The following HLF variants were observed in gnomAD, a reference collection of about 807,000 sequenced individuals.
HLF encodes HLF transcription factor, PAR bZIP family member.
HLF carries 3 observed loss-of-function variants against 22.6 expected under a neutral mutation model. That is an observed-to-expected ratio of 0.13 (90% CI 0.06 to 0.34). The LOEUF (loss-of-function observed/expected upper bound fraction) is 0.34. Among genes scored for constraint, HLF ranks in the 10% least tolerant of loss-of-function variants. The pLI is 1.00. For synonymous variants in HLF, 151 were observed against 151.8 expected, an observed-to-expected ratio of 0.99 and a Z score of 0.04; for missense variants, 299 against 389.2, an observed-to-expected ratio of 0.77 and a Z score of 1.95.
intron 3 of HLF, among the ~76,000 whole-genome samples, chr17:55,318,096 G>T (rs545973574): frequency 6.6e-6 from 1 of 151,116 alleles, no homozygotes; most frequent in South Asian, 2.1e-4. Flanking sequence ...TGTTGGGTGG[G>T]GCGGGGCTAA....
At chr17:55,275,609 A>G (rs995578225) in intron 2 of HLF, among the ~76,000 whole-genome samples, 4 of 152,220 alleles carry the variant, frequency 2.6e-5, no homozygotes, top group African/African-American at 9.6e-5. Flanking sequence ...ACTTTACATA[A>G]GCATTCCAGA....
Position 55,301,576 on chromosome 17 carries a change from G to A in HLF, c.452-13651G>A, listed in dbSNP as rs555349140. On this transcript the variant is annotated intron_variant, in intron 2 of 3. Transcript: ENST00000226067. ...AATTAGACCTTGATATGGATGTTAG[G>A]ACAAATAGAAGTGGCGAAGACGCAA... Among the ~76,000 whole-genome samples, 106 of 152,352 alleles carry A rather than the reference G, an allele frequency of 7.0e-4. 1 individual carries two copies. Among genetic ancestry groups the A allele is most frequent in the South Asian group, 2.7e-3 (13 of 4,832 alleles).
At chr17:55,291,936 A>T (rs1204341502) in intron 2 of HLF, among the ~76,000 whole-genome samples, 3 of 152,240 alleles carry the variant, frequency 2.0e-5, no homozygotes, top group African/African-American at 7.2e-5. Flanking sequence ...ATAACTTTAG[A>T]TGTGGCGGAA....
rs142298590 is a variant in HLF at position 55,295,642 on chromosome 17, A to G, written c.452-19585A>G. 1.1e-3 allele frequency among the ~76,000 whole-genome samples: 165 copies of G among 152,350 alleles called. 1 individual carries two copies. Among genetic ancestry groups the G allele is most frequent in the Middle Eastern group, 6.8e-3 (2 of 294 alleles). On this transcript the variant is annotated intron_variant, in intron 2 of 3. Coordinates refer to ENST00000226067, the MANE Select transcript of HLF (RefSeq NM_002126.5). The stretch of plus-strand genomic sequence containing the variant: ...GTGGCAACACACCCACTTCCAGAAC[A>G]TTAGTGTTAGTGGGAGGGCAGGCAA...
intron 2 of HLF, among the ~76,000 whole-genome samples, chr17:55,290,905 G>A (rs1010623596): frequency 6.6e-5 from 10 of 152,162 alleles, no homozygotes; most frequent in South Asian, 2.1e-4. Flanking sequence ...TGAAACAGCC[G>A]TATTGCTGAT....
chr17:55,282,849 T>A (rs1453233067), intron 2 of HLF, among the ~76,000 whole-genome samples: 1 of 152,174 alleles, frequency 6.6e-6, no homozygotes, highest in Non-Finnish European at 1.5e-5. Context: ...GAATCTGACA[T>A]TCTTCCACTC....
Position 55,320,576 on chromosome 17 carries a change from C to A in HLF, c.673-88C>A. 1 of 1,213,002 alleles carries A rather than the reference C, an allele frequency of 8.2e-7. No homozygotes were observed. The highest frequency in any genetic ancestry group is 1.2e-6 in the Non-Finnish European group (1 of 851,432). The allele number at this position is 1,213,002 out of a possible 1,614,324, so 75.1% of individuals were successfully genotyped here. ...ACCCGGGCTGGCACCTCTGCACAAT[C>A]CTGGAGCCTGCCCGTGCCCTGGCTG... On this transcript the variant is annotated intron_variant, in intron 3 of 3. Transcript: ENST00000226067. This position sits in a 1 kb window ranked among gnomAD's most constrained non-coding sequence, Gnocchi z 4.2.
At chr17:55,286,478 C>T (rs1391576844) in intron 2 of HLF, among the ~76,000 whole-genome samples, 1 of 152,120 alleles carries the variant, frequency 6.6e-6, no homozygotes, top group African/African-American at 2.4e-5. Flanking sequence ...TCTCGCTTCC[C>T]TCAGCTCCTC....
chr17:55,313,138 A>G (rs1904911032), intron 2 of HLF, among the ~76,000 whole-genome samples: 1 of 152,184 alleles, frequency 6.6e-6, no homozygotes, highest in Non-Finnish European at 1.5e-5. Context: ...AAAAACCTAG[A>G]GAGAAAGAAT....
In HLF at chr17:55,320,775, A is replaced by G; in HGVS notation, c.784A>G (p.Lys262Glu). The G allele has an allele frequency of 6.2e-7, 1 of 1,613,926 alleles. No individual in the cohort carries two copies. The highest frequency in any genetic ancestry group is 1.1e-5 in the South Asian group (1 of 91,032). ...QIAIRASFLE[K>E]ENSALRQEVA... ...CGCCATCCGGGCCTCGTTCCTGGAGAAGGAGAACTCGGCCCTCCGCCAGGA... is the reference window on the plus strand; with the variant it reads ...CGCCATCCGGGCCTCGTTCCTGGAGGAGGAGAACTCGGCCCTCCGCCAGGA... Residue 262 changes from lysine (K) to glutamate (E), a missense_variant, in exon 4 of 4, where the codon AAG (lysine) becomes GAG (glutamate). By Grantham distance (56) the Lys-to-Glu change is moderately conservative (BLOSUM62 1). Coordinates refer to ENST00000226067, the MANE Select transcript of HLF (RefSeq NM_002126.5). This position sits in a 1 kb window ranked among gnomAD's most constrained non-coding sequence, Gnocchi z 4.2.
intron 2 of HLF, among the ~76,000 whole-genome samples, chr17:55,274,879 C>T (rs373001072): frequency 2.6e-5 from 4 of 152,306 alleles, no homozygotes; most frequent in South Asian, 4.1e-4. Flanking sequence ...GAGGACCAAG[C>T]GTGGGGCTCA....
chr17:55,308,367 T>C (rs1008879892), intron 2 of HLF, among the ~76,000 whole-genome samples: 1 of 152,216 alleles, frequency 6.6e-6, no homozygotes, highest in Non-Finnish European at 1.5e-5. Context: ...TTGCACACTT[T>C]CCGGGTACTA....
intron 2 of HLF, among the ~76,000 whole-genome samples, chr17:55,273,945 G>C (rs1054407221): frequency 1.5e-4 from 23 of 152,138 alleles, no homozygotes; most frequent in Admixed American, 3.3e-4. Context: ...TCTCCTGCCT[G>C]TCTGCCCAGA....
At chr17:55,269,716 T>C (rs371296768) in intron 2 of HLF, among the ~76,000 whole-genome samples, 11 of 151,848 alleles carry the variant, frequency 7.2e-5, no homozygotes, top group African/African-American at 2.7e-4. Context: ...GTGGAAGCAA[T>C]TGTGATCATT....
intron 2 of HLF, among the ~76,000 whole-genome samples, chr17:55,269,365 T>TCTGTG (rs1293512070): frequency 6.6e-6 from 1 of 152,178 alleles, no homozygotes; most frequent in African/African-American, 2.4e-5. Flanking sequence ...AACATGCCTT[T>TCTGTG]ATGTGATCCT....
At chr17:55,314,130 T>C (rs1207350038) in intron 2 of HLF, among the ~76,000 whole-genome samples, 2 of 152,110 alleles carry the variant, frequency 1.3e-5, no homozygotes, top group Admixed American at 6.5e-5. Flanking sequence ...AGATGAAAAC[T>C]AGAAGTTAAA....
intron 2 of HLF, among the ~76,000 whole-genome samples, chr17:55,281,585 C>T (rs544806328): frequency 6.6e-6 from 1 of 152,224 alleles, no homozygotes; most frequent in South Asian, 2.1e-4. Flanking sequence ...ACACAATGCT[C>T]CTAAGTTTAA....
chr17:55,294,288 G>A lies in HLF; in HGVS notation c.452-20939G>A, dbSNP rs940656041. Among the ~76,000 whole-genome samples the A allele has an allele frequency of 9.2e-5, 14 of 152,290 alleles. 2 individuals are homozygous for A. Among genetic ancestry groups the A allele is most frequent in the Admixed American group, 8.5e-4 (13 of 15,292 alleles). ...ATGGTCAAGAGAATGTGTCTTTCAC[G>A]AATAGATTTTCTCCTTCGACCATGG... On this transcript the variant is annotated intron_variant, in intron 2 of 3. Transcript: ENST00000226067.
intron 2 of HLF, among the ~76,000 whole-genome samples, chr17:55,302,404 G>T (rs1904336663): frequency 6.6e-6 from 1 of 152,214 alleles, no homozygotes; most frequent in Non-Finnish European, 1.5e-5. Flanking sequence ...TTGAGAAGCT[G>T]CAGAACAGCA....
Sources: allele counts gnomAD v4.1 joint callset (sites outside exome capture counted in the v4.1 genomes callset), GRCh38; gene constraint gnomAD v4.1.1; non-coding constraint Gnocchi (gnomAD v3.1); transcripts MANE v1.5; gene names NCBI Gene and HGNC (gene_info 2026-07-23, HGNC 2026-07-21).